CNTNAP2: variants seen among roughly 807,000 people sequenced by gnomAD.
CNTNAP2 encodes the protein contactin associated protein 2, also known as contactin-associated protein-like 2.
CNTNAP2 carries 98 observed loss-of-function variants against 155.2 expected under a neutral mutation model. The ratio of observed to expected loss-of-function variants is 0.63; its 90% confidence interval spans 0.54 to 0.75. CNTNAP2 has a LOEUF of 0.75. Among genes scored for constraint, CNTNAP2 ranks in the 30% least tolerant of loss-of-function variants. The pLI is 0.00. For synonymous variants in CNTNAP2, 651 were observed against 631.2 expected, an observed-to-expected ratio of 1.03 and a Z score of -0.47; for missense variants, 1,727 against 1,688.1, an observed-to-expected ratio of 1.02 and a Z score of -0.40.
intron 15 of CNTNAP2, among the ~76,000 whole-genome samples, chr7:148,097,340 T>TAAAAAAAAAAAAAAAAA (rs754030091): frequency 1.3e-5 from 1 of 78,490 alleles, no homozygotes; most frequent in African/African-American, 4.8e-5. Context: ...GTGTCATTTG[T>TAAAAAAAAAAAAAAAAA]AAAAAAAAAA....
At chr7:148,013,684 A>G (rs185384586) in intron 15 of CNTNAP2, among the ~76,000 whole-genome samples, 108 of 152,346 alleles carry the variant, frequency 7.1e-4, no homozygotes, top group Non-Finnish European at 1.3e-3. Context: ...CCTTAGCCTA[A>G]TCAATTTGTA....
intron 8 of CNTNAP2, among the ~76,000 whole-genome samples, chr7:147,264,202 T>C (rs567230404): frequency 6.6e-6 from 1 of 152,216 alleles, no homozygotes; most frequent in Non-Finnish European, 1.5e-5. Flanking sequence ...AAGATACAAT[T>C]ATGCAGAGCC....
intron 8 of CNTNAP2, among the ~76,000 whole-genome samples, chr7:147,225,883 G>A (rs1248364530): frequency 2.5e-5 from 2 of 80,418 alleles, no homozygotes; most frequent in African/African-American, 1.1e-4. Flanking sequence ...GGGAAAGAAG[G>A]AAGGAAGGAA....
intron 1 of CNTNAP2, among the ~76,000 whole-genome samples, chr7:146,292,646 C>G (rs549994644): frequency 5.9e-5 from 9 of 152,272 alleles, no homozygotes; most frequent in African/African-American, 1.9e-4. Context: ...GAACTGAAAT[C>G]AACATGTTGG....
At chr7:147,458,458 A>G (rs1797960544) in intron 10 of CNTNAP2, among the ~76,000 whole-genome samples, 1 of 152,158 alleles carries the variant, frequency 6.6e-6, no homozygotes, top group African/African-American at 2.4e-5. Flanking sequence ...TAACTTATGA[A>G]CTTGTTGTCC....
chr7:146,742,966 A>C (rs564618078), intron 1 of CNTNAP2, among the ~76,000 whole-genome samples: 1 of 152,306 alleles, frequency 6.6e-6, no homozygotes, highest in African/African-American at 2.4e-5. Context: ...TTTTAAAAAA[A>C]GTATAGAACT....
At chr7:146,201,968 C>CAA (rs10674487) in intron 1 of CNTNAP2, among the ~76,000 whole-genome samples, 46,463 of 151,778 alleles carry the variant, frequency 0.31, 8,326 homozygotes, top group African/African-American at 0.5. Flanking sequence ...ATCAAATCGA[C>CAA]AAAAAAGTCA....
intron 1 of CNTNAP2, among the ~76,000 whole-genome samples, chr7:146,592,356 G>C (rs1339630955): frequency 1.3e-5 from 2 of 152,222 alleles, no homozygotes; most frequent in African/African-American, 2.4e-5. Flanking sequence ...TAGATATTTG[G>C]TTAGTGCTGG....
chr7:146,253,331 G>A lies in CNTNAP2; in HGVS notation c.97+136358G>A, dbSNP rs183896817. ...TTCTCTTCTAATGACTCTTCTAGACGCAGTCCTCTGCCACCTGCTCTAGGA... is the reference window on the plus strand; with the variant it reads ...TTCTCTTCTAATGACTCTTCTAGACACAGTCCTCTGCCACCTGCTCTAGGA... On this transcript the variant is annotated intron_variant, in intron 1 of 23. Transcript: ENST00000361727. Among the ~76,000 whole-genome samples the A allele has an allele frequency of 6.6e-5, 10 of 152,260 alleles. No homozygotes were observed. In the East Asian group the frequency reaches 1.4e-3, roughly 21 times the overall value.
chr7:148,283,263 G>GAAAGAAAGA (rs1563024639), intron 21 of CNTNAP2, among the ~76,000 whole-genome samples: 1 of 37,664 alleles, frequency 2.7e-5, no homozygotes, highest in Admixed American at 2.6e-4. Context: ...AAAAAAGAAA[G>GAAAGAAAGA]AAAGAAAGAA....
Position 148,146,649 on chromosome 7 carries a change from G to A in CNTNAP2, c.2555-842G>A, listed in dbSNP as rs1180830347. 3.9e-5 allele frequency among the ~76,000 whole-genome samples: 6 copies of A among 152,276 alleles called. No homozygotes were observed. In the South Asian group the frequency reaches 8.3e-4, roughly 21 times the overall value. ...GGAATAACCAAGGTTTGCAACAGAC[G>A]ATGTACGACAGGGATTATTCTCCAG... On this transcript the variant is annotated intron_variant, in intron 16 of 23. Coordinates refer to ENST00000361727, the MANE Select transcript of CNTNAP2 (RefSeq NM_014141.6).
At chr7:147,640,501 T>C (rs1172333694) in intron 13 of CNTNAP2, among the ~76,000 whole-genome samples, 2 of 152,162 alleles carry the variant, frequency 1.3e-5, no homozygotes, top group Non-Finnish European at 2.9e-5. Context: ...TTTAAAATCA[T>C]GTTAAGCAAC....
intron 13 of CNTNAP2, among the ~76,000 whole-genome samples, chr7:147,883,069 G>T (rs1437699747): frequency 1.3e-5 from 2 of 152,116 alleles, no homozygotes; most frequent in Non-Finnish European, 2.9e-5. Flanking sequence ...TGATAGATAG[G>T]GTAGGTGTAG....
chr7:146,964,766 C>T (rs1430258451), intron 3 of CNTNAP2, among the ~76,000 whole-genome samples: 2 of 152,048 alleles, frequency 1.3e-5, no homozygotes, highest in Admixed American at 6.5e-5. Flanking sequence ...GTCAGCCAAA[C>T]GATGTCAGTT....
chr7:146,668,051 G>C (rs112950501), intron 1 of CNTNAP2, among the ~76,000 whole-genome samples: 2,821 of 152,028 alleles, frequency 0.019, 50 homozygotes, highest in Middle Eastern at 0.031. Context: ...CTTTTTTCCA[G>C]TTCTGAGAGG....
chr7:146,710,366 G>T (rs1465326051), intron 1 of CNTNAP2, among the ~76,000 whole-genome samples: 1 of 152,112 alleles, frequency 6.6e-6, no homozygotes, highest in East Asian at 1.9e-4. Flanking sequence ...AAAAGTATAG[G>T]ACAAGAGGCC....
chr7:146,884,371 A>G (rs764567534), intron 3 of CNTNAP2, among the ~76,000 whole-genome samples: 2 of 152,122 alleles, frequency 1.3e-5, no homozygotes, highest in Non-Finnish European at 2.9e-5. Flanking sequence ...AAATTGGAGG[A>G]AGAATAAATT....
chr7:147,251,763 G>A (rs1456589637), intron 8 of CNTNAP2, among the ~76,000 whole-genome samples: 1 of 152,182 alleles, frequency 6.6e-6, no homozygotes, highest in Non-Finnish European at 1.5e-5. Flanking sequence ...CAAATAAAAT[G>A]AACCTACTGT....
At chr7:146,647,857 G>C (rs922801531) in intron 1 of CNTNAP2, among the ~76,000 whole-genome samples, 10 of 152,000 alleles carry the variant, frequency 6.6e-5, no homozygotes, top group African/African-American at 2.4e-4. Flanking sequence ...TCCTAAGAAG[G>C]GTTCCCGTGT....
Sources: allele counts gnomAD v4.1 joint callset (sites outside exome capture counted in the v4.1 genomes callset), GRCh38; gene constraint gnomAD v4.1.1; transcripts MANE v1.5; gene names NCBI Gene and HGNC (gene_info 2026-07-23, HGNC 2026-07-21).